SGCZ: variants seen among roughly 807,000 people sequenced by gnomAD.
SGCZ encodes sarcoglycan zeta, also known as zeta-sarcoglycan.
SGCZ carries 40 observed loss-of-function variants against 41.3 expected under a neutral mutation model. The ratio of observed to expected loss-of-function variants is 0.97; its 90% confidence interval spans 0.75 to 1.26. The LOEUF (loss-of-function observed/expected upper bound fraction) is 1.26. Among genes scored for constraint, SGCZ ranks in the 50% most tolerant of loss-of-function variants. SGCZ has a pLI of 0.00. For synonymous variants in SGCZ, 206 were observed against 137.5 expected, an observed-to-expected ratio of 1.50 and a Z score of -3.49; for missense variants, 552 against 369.8, an observed-to-expected ratio of 1.49 and a Z score of -4.04.
chr8:14,335,248 A>G (rs1802469045), intron 2 of SGCZ, among the ~76,000 whole-genome samples: 1 of 152,134 alleles, frequency 6.6e-6, no homozygotes, highest in Non-Finnish European at 1.5e-5. Flanking sequence ...TTAGTGTCTG[A>G]AGATCCTTCC....
intron 1 of SGCZ, among the ~76,000 whole-genome samples, chr8:14,692,364 G>C (rs184692500): frequency 6.6e-6 from 1 of 152,012 alleles, no homozygotes; most frequent in African/African-American, 2.4e-5. Context: ...TAAGTGATAA[G>C]GTGGCCCCAT....
chr8:14,657,094 A>G (rs544702980), intron 1 of SGCZ, among the ~76,000 whole-genome samples: 1 of 152,208 alleles, frequency 6.6e-6, no homozygotes, highest in South Asian at 2.1e-4. Context: ...AACTTTTTAA[A>G]TTAATGAGGT....
intron 2 of SGCZ, among the ~76,000 whole-genome samples, chr8:14,475,407 T>C (rs937295567): frequency 6.6e-6 from 1 of 152,156 alleles, no homozygotes; most frequent in Admixed American, 6.5e-5. Context: ...TTATTAACTA[T>C]AAAAAGGTTT....
At chr8:14,514,846 G>T in intron 2 of SGCZ, among the ~76,000 whole-genome samples, 1 of 140,844 alleles carries the variant, frequency 7.1e-6, no homozygotes, top group Non-Finnish European at 1.6e-5. Flanking sequence ...CACACACACT[G>T]CATATATGAA....
intron 2 of SGCZ, among the ~76,000 whole-genome samples, chr8:14,387,794 T>C (rs543226921): frequency 1.0e-3 from 158 of 152,244 alleles, no homozygotes; most frequent in African/African-American, 3.7e-3. Flanking sequence ...CTATTTAGGT[T>C]ACAATGAGTT....
At chr8:14,390,072 G>C (rs1255112162) in intron 2 of SGCZ, among the ~76,000 whole-genome samples, 1 of 151,920 alleles carries the variant, frequency 6.6e-6, no homozygotes, top group Non-Finnish European at 1.5e-5. Context: ...AAATAACTTT[G>C]ATGATAAATA....
At chr8:14,289,962 G>C (rs1191662095) in intron 3 of SGCZ, among the ~76,000 whole-genome samples, 1 of 151,918 alleles carries the variant, frequency 6.6e-6, no homozygotes, top group Non-Finnish European at 1.5e-5. Context: ...GAGAGTGAGT[G>C]AGTGGCGAAC....
intron 1 of SGCZ, among the ~76,000 whole-genome samples, chr8:14,799,577 T>C (rs1801248238): frequency 6.6e-6 from 1 of 152,120 alleles, no homozygotes; most frequent in African/African-American, 2.4e-5. Flanking sequence ...ATCCTTAGCA[T>C]TTGACCTCTG....
At chr8:14,850,993 G>C (rs1585317688) in intron 1 of SGCZ, among the ~76,000 whole-genome samples, 1 of 152,078 alleles carries the variant, frequency 6.6e-6, no homozygotes, top group African/African-American at 2.4e-5. Flanking sequence ...CTTCATAGCT[G>C]TATGAAAACA....
In SGCZ at chr8:14,449,173, T is replaced by G. The variant is rs112703899; in HGVS notation, c.234+105559A>C. Among the ~76,000 whole-genome samples, 3 of 152,302 alleles carry G rather than the reference T, an allele frequency of 2.0e-5. 1 individual carries two copies. Among genetic ancestry groups the G allele is most frequent in the African/African-American group, 7.2e-5 (3 of 41,574 alleles). The stretch of plus-strand genomic sequence containing the variant: ...AATGATTTTACCAACCTTATCACAT[T>G]AAGCAGCATTCAAGGGTTTTCTGAC... On this transcript the variant is annotated intron_variant, in intron 2 of 7. Coordinates refer to ENST00000382080, the MANE Select transcript of SGCZ (RefSeq NM_139167.4).
chr8:14,384,443 T>C (rs1370512939), intron 2 of SGCZ, among the ~76,000 whole-genome samples: 1 of 152,172 alleles, frequency 6.6e-6, no homozygotes, highest in African/African-American at 2.4e-5. Flanking sequence ...TTTGAGAAAT[T>C]TAACTTGGAA....
At chr8:14,218,410 G>A (rs975238459) in intron 4 of SGCZ, among the ~76,000 whole-genome samples, 1 of 152,126 alleles carries the variant, frequency 6.6e-6, no homozygotes, top group Non-Finnish European at 1.5e-5. Flanking sequence ...TTAAGTTATT[G>A]CTGAAAGAAA....
At chr8:15,228,836 A>T (rs1318534725) in intron 1 of SGCZ, among the ~76,000 whole-genome samples, 1 of 152,236 alleles carries the variant, frequency 6.6e-6, no homozygotes, top group Admixed American at 6.5e-5. Context: ...GAAGTCATGC[A>T]AACAAAAACT....
intron 3 of SGCZ, among the ~76,000 whole-genome samples, chr8:14,263,127 T>G (rs1166338269): frequency 1.3e-5 from 2 of 152,210 alleles, no homozygotes; most frequent in Non-Finnish European, 1.5e-5. Context: ...GTTAAGATAT[T>G]AAACACTACA....
At chr8:14,594,110 G>A (rs1805328461) in intron 1 of SGCZ, among the ~76,000 whole-genome samples, 1 of 151,760 alleles carries the variant, frequency 6.6e-6, no homozygotes. Flanking sequence ...GGGAGGTGGA[G>A]GTTACAGTGA....
chr8:15,155,052 G>T (rs1799289883), intron 1 of SGCZ, among the ~76,000 whole-genome samples: 1 of 152,140 alleles, frequency 6.6e-6, no homozygotes, highest in Admixed American at 6.5e-5. Context: ...AGCACTTTGG[G>T]AGGCCAAGGA....
At chr8:14,529,808 C>G (rs1803069391) in intron 2 of SGCZ, among the ~76,000 whole-genome samples, 1 of 152,062 alleles carries the variant, frequency 6.6e-6, no homozygotes, top group Non-Finnish European at 1.5e-5. Flanking sequence ...ACTCCTTAAG[C>G]AGCCCCTTAT....
intron 1 of SGCZ, among the ~76,000 whole-genome samples, chr8:15,117,401 T>G (rs540403369): frequency 1.3e-5 from 2 of 152,246 alleles, no homozygotes; most frequent in South Asian, 4.1e-4. Context: ...TCTAATGTGC[T>G]GGGCATTGAT....
chr8:14,622,191 C>T (rs779607713), intron 1 of SGCZ, among the ~76,000 whole-genome samples: 37 of 152,058 alleles, frequency 2.4e-4, no homozygotes, highest in South Asian at 1.9e-3. Flanking sequence ...TGAATTTGCA[C>T]GGAAACCTTG....
Sources: gnomAD v4.1 joint callset for allele counts (sites outside exome capture counted in the v4.1 genomes callset) on GRCh38, gnomAD v4.1.1 for gene constraint, MANE v1.5 for transcripts, NCBI Gene and HGNC (gene_info 2026-07-23, HGNC 2026-07-21) for gene names.